COQ10A: variants seen among roughly 807,000 people sequenced by gnomAD.
COQ10A encodes coenzyme Q10A.
Under a neutral mutation model 26.1 loss-of-function variants are expected in COQ10A, and 25 were observed. That is an observed-to-expected ratio of 0.96 (90% CI 0.70 to 1.34). The LOEUF is 1.34. COQ10A is among the 40% of genes most tolerant of loss of function. The pLI is 0.00. For synonymous variants in COQ10A, 132 were observed against 124.0 expected, an observed-to-expected ratio of 1.06 and a Z score of -0.43; for missense variants, 312 against 335.4, an observed-to-expected ratio of 0.93 and a Z score of 0.54.
rs11543259 is a variant in COQ10A at position 56,270,182 on chromosome 12, C to T, written c.609C>T (p.Ser203=). 21 of 1,613,994 alleles carry T rather than the reference C, an allele frequency of 1.3e-5. No homozygotes were observed. The highest frequency in any genetic ancestry group is 3.3e-5 in the Admixed American group (2 of 59,992). Residue 203 remains serine (S), a synonymous_variant, in exon 5 of 5, where the codon TCC becomes TCT. Coordinates refer to ENST00000308197, the MANE Select transcript of COQ10A (RefSeq NM_144576.4). ...ISFEFRSLLH[S]QLATMFFDEV... Reference sequence around the variant, plus strand: ...TTGAATTTCGTTCTCTGCTGCACTCCCAGCTGGCCACCATGTTTTTTGATG... The same window carrying T: ...TTGAATTTCGTTCTCTGCTGCACTCTCAGCTGGCCACCATGTTTTTTGATG...
Position 56,267,196 on chromosome 12 carries a change from C to G in COQ10A, c.78C>G (p.Ser26Arg). ...AGCGCTGCTGCCGGCTCTCGCTCAGCCCGGGCGCGCAACCGGCCCCGCCCC... is the reference window on the plus strand; with the variant it reads ...AGCGCTGCTGCCGGCTCTCGCTCAGGCCGGGCGCGCAACCGGCCCCGCCCC... Reference protein sequence around the residue: ...AAERCCRLSLSPGAQPAPPPG... With the variant: ...AAERCCRLSLRPGAQPAPPPG... Residue 26 changes from serine to arginine, a missense_variant, in exon 1 of 5, where the codon AGC (serine) becomes AGG (arginine). By Grantham distance (110) the Ser-to-Arg change is moderately radical. Coordinates refer to ENST00000308197, the MANE Select transcript of COQ10A (RefSeq NM_144576.4). 7.1e-7 allele frequency: 1 copy of G among 1,405,720 alleles called. No homozygotes were observed. The highest frequency in any genetic ancestry group is 1.5e-5 in the African/African-American group (1 of 66,928). The allele number at this position is 1,405,720 out of a possible 1,614,324, so 87.1% of individuals were successfully genotyped here.
rs779287815 is a variant in COQ10A, at chr12:56,270,240, C to T, written c.667C>T (p.Arg223Cys). 5.6e-6 allele frequency: 9 copies of T among 1,614,106 alleles called. No individual in the cohort carries two copies. In the East Asian group the frequency reaches 8.9e-5, roughly 16 times the overall value. ...VVKQNVAAFE[R>C]RAATKFGPET... ...CAAACAGAATGTTGCTGCCTTTGAG[C>T]GTCGGGCAGCCACCAAGTTTGGTCC... is the stretch of plus-strand genomic sequence containing the variant. Residue 223 changes from arginine (R) to cysteine (C), a missense_variant, in exon 5 of 5, where the codon CGT becomes TGT. By Grantham distance (180) the Arg-to-Cys change is radical. Coordinates refer to ENST00000308197, the MANE Select transcript of COQ10A (RefSeq NM_144576.4).
At chr12:56,268,173 TA>T in intron 2 of COQ10A, 2 of 576,984 alleles carry the variant, frequency 3.5e-6, no homozygotes, top group Middle Eastern at 4.8e-4. Flanking sequence ...GACTATACTT[TA>T]AGACAACAGG....
chr12:56,269,357 G>GT, intron 3 of COQ10A, 103 bp from the exon 4 acceptor site: 1 of 1,449,312 alleles, frequency 6.9e-7, no homozygotes, highest in Non-Finnish European at 9.7e-7. Context: ...CATGTGTCAA[G>GT]TATTTCCCTC....
chr12:56,269,446 T>TTAACTACCTGATTAAC lies in COQ10A; in HGVS notation c.475-12_475-11insACTACCTGATTAACTA. 4 of 1,599,136 alleles carry TTAACTACCTGATTAAC rather than the reference T, an allele frequency of 2.5e-6. No homozygotes were observed. The highest frequency in any genetic ancestry group is 3.4e-6 in the Non-Finnish European group (4 of 1,166,320). Reference sequence around the variant, plus strand: ...TTAGTAATGTTATTTAACTACCTGATTACCCTATTCTAGGCTGTTTGTACT... The same window carrying TTAACTACCTGATTAAC: ...TTAGTAATGTTATTTAACTACCTGATTAACTACCTGATTAACTACCCTATTCTAGGCTGTTTGTACT... On this transcript the variant is annotated splice_polypyrimidine_tract_variant and intron_variant, in intron 3 of 4. Coordinates refer to ENST00000308197, the MANE Select transcript of COQ10A (RefSeq NM_144576.4).
At chr12:56,268,010 G>A (rs1872402861) in intron 2 of COQ10A, 70 bp downstream of exon 2, 3 of 1,580,122 alleles carry the variant, frequency 1.9e-6, no homozygotes, top group Admixed American at 1.7e-5. Context: ...AGGCAAGAAT[G>A]TCAGGGTATC....
At chr12:56,269,980 C>A (rs1872464286) in intron 4 of COQ10A, 170 bp from the exon 5 acceptor site, 2 of 665,888 alleles carry the variant, frequency 3.0e-6, no homozygotes, top group Non-Finnish European at 5.3e-6. Flanking sequence ...TTAGTCTGAG[C>A]TTGTGTCAGA....
intron 4 of COQ10A, 185 bp from the exon 5 acceptor site, chr12:56,269,965 G>A (rs1872463678): frequency 3.1e-6 from 2 of 635,376 alleles, no homozygotes; most frequent in South Asian, 3.8e-5. Flanking sequence ...CATTTCCCAA[G>A]TCAGTTAGTC....
chr12:56,270,410 A>T lies in COQ10A; in HGVS notation c.*93A>T. 1 of 1,332,702 alleles carries T rather than the reference A, an allele frequency of 7.5e-7. No homozygotes were observed. Among genetic ancestry groups the T allele is most frequent in the South Asian group, 1.4e-5 (1 of 73,216 alleles). The allele number at this position is 1,332,702 out of a possible 1,614,324, so 82.6% of individuals were successfully genotyped here. A position where few individuals can be genotyped will look rare whatever the true frequency, so the allele number is the denominator to read the frequency against. On this transcript the variant is annotated 3_prime_UTR_variant, in exon 5 of 5. Transcript: ENST00000308197. The stretch of plus-strand genomic sequence containing the variant: ...TTGGCTCCTGTTCCAATTTGAAAGG[A>T]GTCTGTGTTCATAATACTGTTTCTC...
At chr12:56,269,031 C>A in intron 2 of COQ10A, 28 bp from the exon 3 acceptor site, 1 of 1,606,824 alleles carries the variant, frequency 6.2e-7, no homozygotes, top group Non-Finnish European at 8.5e-7. Flanking sequence ...GCTGGCAGCT[C>A]CTTGGCCTGT....
rs934832164 is a variant in COQ10A at position 56,269,173 on chromosome 12, C to T, written c.396C>T (p.Ala132=). Reference sequence around the variant, plus strand: ...CCAGCCGTAAGGGTCATTTGAAAGCCCAGCTGGAGGTTGGCTTTCCACCTG... The same window carrying T: ...CCAGCCGTAAGGGTCATTTGAAAGCTCAGCTGGAGGTTGGCTTTCCACCTG... ...VVSSRKGHLK[A]QLEVGFPPVM... The change falls in exon 3 of 5, where the codon GCC becomes GCT. Residue 132 remains alanine, a synonymous_variant. Transcript: ENST00000308197. 1.9e-6 allele frequency: 3 copies of T among 1,614,112 alleles called. No homozygotes were observed. Among genetic ancestry groups the T allele is most frequent in the African/African-American group, 1.3e-5 (1 of 75,016 alleles).
intron 4 of COQ10A, 56 bp downstream of exon 4, chr12:56,269,617 G>A: frequency 8.3e-7 from 1 of 1,201,400 alleles, no homozygotes; most frequent in Non-Finnish European, 1.2e-6. Flanking sequence ...GAAGGGCTGG[G>A]GTACTGTGAC....
At position 56,270,225 on chromosome 12, in the gene COQ10A, G is replaced by A. The variant is rs1247927263; in HGVS notation, c.652G>A (p.Val218Ile). The change falls in exon 5 of 5, where the codon GTT becomes ATT. Residue 218 changes from valine to isoleucine, a missense_variant. Transcript: ENST00000308197. ...TTTTGATGAGGTTGTCAAACAGAAT[G>A]TTGCTGCCTTTGAGCGTCGGGCAGC... ...MFFDEVVKQN[V>I]AAFERRAATK... 6.2e-7 allele frequency: 1 copy of A among 1,614,114 alleles called. No individual in the cohort carries two copies. Among genetic ancestry groups the A allele is most frequent in the Admixed American group, 1.7e-5 (1 of 60,012 alleles).
Position 56,267,876 on chromosome 12 carries a change from T to G in COQ10A, c.217T>G (p.Phe73Val). The change falls in exon 2 of 5, where the codon TTC becomes GTC. Residue 73 changes from phenylalanine (F) to valine (V), a missense_variant. Coordinates refer to ENST00000308197, the MANE Select transcript of COQ10A (RefSeq NM_144576.4). Reference sequence around the variant, plus strand: ...GGCTGGCTTACCTTCGAGCCGTTCCTTCATGGGATTTGCTGCTCCCTTCAC... The same window carrying G: ...GGCTGGCTTACCTTCGAGCCGTTCCGTCATGGGATTTGCTGCTCCCTTCAC... ...AEAGLPSSRS[F>V]MGFAAPFTNK... The G allele has an allele frequency of 6.2e-7, 1 of 1,614,210 alleles. No homozygotes were observed. The highest frequency in any genetic ancestry group is 8.5e-7 in the Non-Finnish European group (1 of 1,180,016).
At chr12:56,267,665 C>A in intron 1 of COQ10A, 129 bp from the exon 2 acceptor site, 1 of 1,335,514 alleles carries the variant, frequency 7.5e-7, no homozygotes, top group Non-Finnish European at 1.1e-6. Context: ...TAGCGGGCTG[C>A]AGCAGGTGCT....
rs1040757090 is a variant in COQ10A at position 56,270,491 on chromosome 12, G to C, written c.*174G>C. On this transcript the variant is annotated 3_prime_UTR_variant, in exon 5 of 5. Transcript: ENST00000308197. The stretch of plus-strand genomic sequence containing the variant: ...CTGGCTGGAAATGTTGGGGGAAAGA[G>C]AAGGCAAAGGATGTGGAAATGAGAT... 1 of 670,662 alleles carries C rather than the reference G, an allele frequency of 1.5e-6. No homozygotes were observed. The highest frequency in any genetic ancestry group is 1.8e-5 in the African/African-American group (1 of 55,086). The allele number at this position is 670,662 out of a possible 1,614,324, so 41.5% of individuals were successfully genotyped here.
chr12:56,270,221 G>C lies in COQ10A; in HGVS notation c.648G>C (p.Gln216His). 1.2e-6 allele frequency: 2 copies of C among 1,614,082 alleles called. No individual in the cohort carries two copies. The highest frequency in any genetic ancestry group is 4.5e-5 in the East Asian group (2 of 44,884). Residue 216 changes from glutamine to histidine, a missense_variant, in exon 5 of 5, where the codon CAG becomes CAC. By Grantham distance (24) the Gln-to-His change is conservative (BLOSUM62 0). Transcript: ENST00000308197. ...ATMFFDEVVKQNVAAFERRAA... is the reference protein window; with the variant it reads ...ATMFFDEVVKHNVAAFERRAA... ...TGTTTTTTGATGAGGTTGTCAAACA[G>C]AATGTTGCTGCCTTTGAGCGTCGGG...
At position 56,270,403 on chromosome 12, in the gene COQ10A, T is replaced by A; in HGVS notation, c.*86T>A. Reference sequence around the variant, plus strand: ...ATTTGGTTTGGCTCCTGTTCCAATTTGAAAGGAGTCTGTGTTCATAATACT... The same window carrying A: ...ATTTGGTTTGGCTCCTGTTCCAATTAGAAAGGAGTCTGTGTTCATAATACT... On this transcript the variant is annotated 3_prime_UTR_variant, in exon 5 of 5. Transcript: ENST00000308197. 2.2e-6 allele frequency: 3 copies of A among 1,378,918 alleles called. No homozygotes were observed. The highest frequency in any genetic ancestry group is 3.0e-6 in the Non-Finnish European group (3 of 996,540). 85.4% of individuals were successfully genotyped at this position (1,378,918 alleles called of 1,614,324 possible). A position where few individuals can be genotyped will look rare whatever the true frequency, so the allele number is the denominator to read the frequency against.
chr12:56,269,066 A>G lies in COQ10A; in HGVS notation c.289A>G (p.Met97Val), dbSNP rs1361807903. 11 of 1,613,532 alleles carry G rather than the reference A, an allele frequency of 6.8e-6. 1 individual carries two copies. Among genetic ancestry groups the G allele is most frequent in the East Asian group, 2.2e-5 (1 of 44,900 alleles). The change falls in exon 3 of 5, where the codon ATG (methionine) becomes GTG (valine). Residue 97 changes from methionine to valine, a missense_variant. Transcript: ENST00000308197. ...YSERRIMGYSMQEMYEVVSNV... is the reference protein window; with the variant it reads ...YSERRIMGYSVQEMYEVVSNV... ...TGATTCTTCTTCTCCTAGGTACTCA[A>G]TGCAGGAGATGTATGAGGTGGTGTC... is the stretch of plus-strand genomic sequence containing the variant.
Sources: allele counts gnomAD v4.1 joint callset, GRCh38; gene constraint gnomAD v4.1.1; transcripts MANE v1.5; gene names NCBI Gene and HGNC (gene_info 2026-07-23, HGNC 2026-07-21).